The following PALLD variants were observed in gnomAD, a reference collection of about 807,000 sequenced individuals.
PALLD encodes palladin.
A neutral mutation model predicts 123.5 loss-of-function variants in PALLD; 61 were observed. The observed-to-expected ratio is 0.49, with a 90% CI of 0.40 to 0.61. The LOEUF (loss-of-function observed/expected upper bound fraction) is 0.61. PALLD is among the 20% of genes least tolerant of loss of function. The pLI, the probability that PALLD is intolerant of heterozygous loss-of-function variation, is 0.00. For synonymous variants in PALLD, 465 were observed against 496.4 expected (o/e 0.94, Z 0.84); for missense variants, 1,273 against 1,377.0 (o/e 0.92, Z 1.20).
intron 10 of PALLD, among the ~76,000 whole-genome samples, chr4:168,785,305 C>A (rs114253852): frequency 2.0e-3 from 310 of 152,108 alleles, no homozygotes; most frequent in African/African-American, 6.3e-3. Context: ...TGTTCGACAT[C>A]CGAAAGTGAA....
intron 10 of PALLD, among the ~76,000 whole-genome samples, chr4:168,773,514 C>G (rs1406462369): frequency 6.6e-6 from 1 of 152,196 alleles, no homozygotes; most frequent in Non-Finnish European, 1.5e-5. Flanking sequence ...GGTGTGATCT[C>G]ACAGCTCTCT....
At chr4:168,549,105 A>G (rs544549654) in intron 2 of PALLD, among the ~76,000 whole-genome samples, 137 of 152,342 alleles carry the variant, frequency 9.0e-4, no homozygotes, top group Admixed American at 1.7e-3. Context: ...GAAAAACACC[A>G]TCTGATGATT....
chr4:168,787,761 C>A (rs1736951191), intron 10 of PALLD, among the ~76,000 whole-genome samples: 2 of 152,194 alleles, frequency 1.3e-5, no homozygotes, highest in Non-Finnish European at 2.9e-5. Flanking sequence ...CAACTACTTT[C>A]TTTTATTCCT....
At chr4:168,745,797 G>T (rs1360578715) in intron 10 of PALLD, among the ~76,000 whole-genome samples, 2 of 152,136 alleles carry the variant, frequency 1.3e-5, no homozygotes. Flanking sequence ...GCGCTAGTTT[G>T]CATGTGATCT....
At chr4:168,703,478 C>T (rs192570584) in intron 8 of PALLD, among the ~76,000 whole-genome samples, 76 of 118,930 alleles carry the variant, frequency 6.4e-4, no homozygotes, top group African/African-American at 1.4e-3. Context: ...CCTGAGGAAT[C>T]GCCACACTGA....
rs189142115 is a variant in PALLD, at chr4:168,770,379, A to C, written c.1964+58456A>C. 1.1e-3 allele frequency among the ~76,000 whole-genome samples: 173 copies of C among 152,268 alleles called. 2 individuals are homozygous for C. The highest frequency in any genetic ancestry group is 2.9e-3 in the South Asian group (14 of 4,828). On this transcript the variant is annotated intron_variant, in intron 10 of 21. Transcript: ENST00000505667. Reference sequence around the variant, plus strand: ...AATAGCTGGGCTATTGGAGGTTCACACAGTCAATAACCACTGAACTGCACC... The same window carrying C: ...AATAGCTGGGCTATTGGAGGTTCACCCAGTCAATAACCACTGAACTGCACC...
In PALLD at chr4:168,782,381, A is replaced by G. The variant is rs189791783; in HGVS notation, c.1964+70458A>G. ...AGTGTCTAGAAAATTAGTAGAGAAA[A>G]GTAAGTTTAAGCTAAATATAAAAAC... On this transcript the variant is annotated intron_variant, in intron 10 of 21. Transcript: ENST00000505667. 3.5e-3 allele frequency among the ~76,000 whole-genome samples: 533 copies of G among 152,354 alleles called. 7 individuals carry two copies. The highest frequency in any genetic ancestry group is 0.012 in the African/African-American group (511 of 41,590).
chr4:168,773,746 G>A (rs187287486), intron 10 of PALLD, among the ~76,000 whole-genome samples: 1 of 152,040 alleles, frequency 6.6e-6, no homozygotes, highest in African/African-American at 2.4e-5. Flanking sequence ...GTTCCTTGGC[G>A]ACAATGGCAT....
At chr4:168,559,049 C>T (rs1238962939) in intron 2 of PALLD, among the ~76,000 whole-genome samples, 1 of 152,114 alleles carries the variant, frequency 6.6e-6, no homozygotes, top group African/African-American at 2.4e-5. Context: ...CTTTTAGTTC[C>T]AACATGAAAT....
intron 2 of PALLD, among the ~76,000 whole-genome samples, chr4:168,533,272 A>T (rs1220884791): frequency 6.6e-6 from 1 of 152,202 alleles, no homozygotes; most frequent in East Asian, 1.9e-4. Context: ...ATCCATGGAC[A>T]GAATTAATTA....
Position 168,512,159 on chromosome 4 carries a change from G to C in PALLD, c.655G>C (p.Ala219Pro), listed in dbSNP as rs1457865481. The C allele has an allele frequency of 6.2e-7, 1 of 1,614,054 alleles. No homozygotes were observed. The highest frequency in any genetic ancestry group is 1.3e-5 in the African/African-American group (1 of 74,928). ...GCCGTCAGCCCTGCTGAGTGCCTCA[G>C]CCAGCCAGAGCCCTATGGAAGACCA... The part of the protein sequence containing the change: ...NQPSALLSAS[A>P]SQSPMEDQGE... Residue 219 changes from alanine to proline, a missense_variant, in exon 2 of 22, where the codon GCC (alanine) becomes CCC (proline). This residue lies in a region of PALLD where 944 missense variants were observed against 954.5 expected (regional missense o/e 0.99). Coordinates refer to ENST00000505667, the MANE Select transcript of PALLD (RefSeq NM_001166108.2).
At chr4:168,922,971 G>A (rs28694547) in intron 18 of PALLD, among the ~76,000 whole-genome samples, 1 of 152,240 alleles carries the variant, frequency 6.6e-6, no homozygotes, top group African/African-American at 2.4e-5. Flanking sequence ...CTATCTCTGC[G>A]ACTTAGTTTC....
chr4:168,504,593 CAA>C lies in PALLD; in HGVS notation c.-82-6815_-82-6814del, dbSNP rs60824764. Among the ~76,000 whole-genome samples, 732 of 136,480 alleles carry C rather than the reference CAA, an allele frequency of 5.4e-3. 5 individuals are homozygous for C. The highest frequency in any genetic ancestry group is 9.5e-3 in the African/African-American group (343 of 36,000). The allele number at this position is 136,480 out of a possible 152,430, so 89.5% of individuals were successfully genotyped here. On this transcript the variant is annotated intron_variant, in intron 1 of 21. Coordinates refer to ENST00000505667, the MANE Select transcript of PALLD (RefSeq NM_001166108.2). ...TGGGCGACAAAGCAAGACTCCAACT[CAA>C]AAAAAAAAAAAAAATGGCTGTGGCT...
At chr4:168,892,421 G>A (rs1473561049) in intron 11 of PALLD, among the ~76,000 whole-genome samples, 1 of 152,144 alleles carries the variant, frequency 6.6e-6, no homozygotes, top group Non-Finnish European at 1.5e-5. Context: ...AAAACTGTGA[G>A]AACAGACCAC....
intron 10 of PALLD, among the ~76,000 whole-genome samples, chr4:168,847,755 A>G (rs1268397705): frequency 2.0e-5 from 3 of 152,228 alleles, no homozygotes; most frequent in Non-Finnish European, 2.9e-5. Flanking sequence ...TAATAATCAC[A>G]TCAGGGTAAA....
chr4:168,561,305 A>G (rs1035315053), intron 2 of PALLD, among the ~76,000 whole-genome samples: 1 of 152,006 alleles, frequency 6.6e-6, no homozygotes, highest in African/African-American at 2.4e-5. Context: ...TCTATCGCCC[A>G]GGCTAGAGTG....
intron 10 of PALLD, among the ~76,000 whole-genome samples, chr4:168,780,635 A>G (rs1178912535): frequency 6.6e-6 from 1 of 152,196 alleles, no homozygotes; most frequent in Non-Finnish European, 1.5e-5. Context: ...GTAATGTCAA[A>G]TATTATATAT....
intron 10 of PALLD, among the ~76,000 whole-genome samples, chr4:168,712,857 A>G (rs1784972288): frequency 6.6e-6 from 1 of 152,152 alleles, no homozygotes; most frequent in African/African-American, 2.4e-5. Context: ...TTATTTCCCT[A>G]GCATTGACTA....
chr4:168,523,807 T>C (rs753293770), intron 2 of PALLD, among the ~76,000 whole-genome samples: 8 of 152,166 alleles, frequency 5.3e-5, no homozygotes, highest in Non-Finnish European at 1.2e-4. Context: ...TTGTAGGAAG[T>C]TTATGCTAAA....
Sources: gnomAD v4.1 joint callset for allele counts (sites outside exome capture counted in the v4.1 genomes callset) on GRCh38, gnomAD v4.1.1 for gene constraint, gnomAD v4.1.1 regional missense constraint, MANE v1.5 for transcripts, NCBI Gene and HGNC (gene_info 2026-07-23, HGNC 2026-07-21) for gene names.